Variants in GLB1 observed in about 807,000 individuals in gnomAD.
The protein encoded by GLB1 is beta-galactosidase.
GLB1 carries 56 observed loss-of-function variants against 74.0 expected under a neutral mutation model. That is an observed-to-expected ratio of 0.76 (90% CI 0.61 to 0.94). The LOEUF (loss-of-function observed/expected upper bound fraction) is 0.94, where lower values mean the gene tolerates loss of function less well. Among genes scored for constraint, GLB1 ranks in the 40% least tolerant of loss-of-function variants. GLB1 has a pLI of 0.00. For synonymous variants in GLB1, 323 were observed against 323.6 expected (o/e 1.00, Z 0.02); for missense variants, 787 against 845.5 (o/e 0.93, Z 0.86).
intron 1 of GLB1, among the ~76,000 whole-genome samples, chr3:33,076,707 T>C (rs1700120887): frequency 6.6e-6 from 1 of 152,154 alleles, no homozygotes; most frequent in South Asian, 2.1e-4. Context: ...ATTTAAAAAA[T>C]ATGACTACGT....
chr3:32,975,383 G>C, the GLB1 span, among the ~76,000 whole-genome samples: 1 of 152,068 alleles, frequency 6.6e-6, no homozygotes, highest in African/African-American at 2.4e-5. Context: ...TACTGCCCCT[G>C]GCTGGGTCTG....
chr3:33,024,455 A>G, intron 10 of GLB1, 130 bp from the exon 11 acceptor site: 1 of 984,268 alleles, frequency 1.0e-6, no homozygotes, highest in Non-Finnish European at 1.5e-6. Context: ...TGGAAAATCA[A>G]AGGAACTAGA....
At chr3:32,972,691 G>A in the GLB1 span, among the ~76,000 whole-genome samples, 3 of 152,096 alleles carry the variant, frequency 2.0e-5, no homozygotes, top group Non-Finnish European at 2.9e-5. Context: ...AAGAGGAGGT[G>A]GCAAATAATG....
rs1034274090 is a variant in GLB1, at chr3:33,094,148, A to G, written c.75+2863T>C. ...TCATGGACACGAAGACAGTGACAGC[A>G]GCCAGGGTGGCCTTCGCGCCTAGGG... On this transcript the variant is annotated intron_variant, in intron 1 of 15. Transcript: ENST00000307363. 6 of 1,612,974 alleles carry G rather than the reference A, an allele frequency of 3.7e-6. No homozygotes were observed. The Admixed American group carries it at 5.0e-5, about 13-fold the overall frequency.
chr3:33,068,836 C>A lies in GLB1; in HGVS notation c.380G>T (p.Cys127Phe), dbSNP rs1699791081. 1 of 1,613,990 alleles carries A rather than the reference C, an allele frequency of 6.2e-7. No individual in the cohort carries two copies. Among genetic ancestry groups the A allele is most frequent in the Admixed American group, 1.7e-5 (1 of 60,004 alleles). The change falls in exon 3 of 16, where the codon TGT becomes TTT. Residue 127 changes from cysteine to phenylalanine, a missense_variant. Coordinates refer to ENST00000307363, the MANE Select transcript of GLB1 (RefSeq NM_000404.4). ...CACACTCACCATTTCCCACTCTGCA[C>A]AGATGTAGGGCCCGGGCCTCAGGAT... ...LVILRPGPYI[C>F]AEWEMGGLPA... is the part of the protein sequence containing the mutation.
At chr3:33,011,422 T>C (rs1697016602) in intron 15 of GLB1, among the ~76,000 whole-genome samples, 1 of 149,966 alleles carries the variant, frequency 6.7e-6, no homozygotes, top group Non-Finnish European at 1.5e-5. Flanking sequence ...CTGGCCAACA[T>C]GATGAAACCC....
intron 1 of GLB1, among the ~76,000 whole-genome samples, chr3:33,081,970 TTTGA>T (rs1249665600): frequency 1.2e-4 from 18 of 152,314 alleles, no homozygotes; most frequent in African/African-American, 4.3e-4. Context: ...GTCAACAAAA[TTTGA>T]TGGAAGGTTG....
At chr3:33,053,400 A>G in intron 7 of GLB1, 91 bp downstream of exon 7, 1 of 1,593,066 alleles carries the variant, frequency 6.3e-7, no homozygotes, top group Non-Finnish European at 8.6e-7. Context: ...CTCCAGAGCC[A>G]AAAACATCAA....
intron 14 of GLB1, 39 bp downstream of exon 14, chr3:33,016,669 AC>A (rs1489388287): frequency 2.5e-6 from 4 of 1,611,668 alleles, no homozygotes; most frequent in African/African-American, 2.7e-5. Context: ...CTAAGTTGTC[AC>A]CCCTTAAACC....
chr3:33,079,778 A>G (rs1380018776), intron 1 of GLB1, among the ~76,000 whole-genome samples: 1 of 152,090 alleles, frequency 6.6e-6, no homozygotes, highest in African/African-American at 2.4e-5. Context: ...AAGGCAGAGG[A>G]GAGAGTTTTT....
chr3:33,083,397 C>A (rs1364408583), intron 1 of GLB1, among the ~76,000 whole-genome samples: 756 of 103,814 alleles, frequency 7.3e-3, no homozygotes, highest in Non-Finnish European at 7.8e-3. Flanking sequence ...AACTCTGTCT[C>A]AAAAAAAAAA....
chr3:33,090,124 G>C (rs1700685618), intron 1 of GLB1, among the ~76,000 whole-genome samples: 1 of 152,150 alleles, frequency 6.6e-6, no homozygotes, highest in South Asian at 2.1e-4. Context: ...CTCCTAACTA[G>C]CTATTAGATG....
chr3:33,072,168 G>A (rs1575475138), intron 2 of GLB1, among the ~76,000 whole-genome samples: 1 of 152,216 alleles, frequency 6.6e-6, no homozygotes, highest in African/African-American at 2.4e-5. Context: ...CAAAGATATG[G>A]CCTTGGGCAA....
chr3:33,026,162 T>G (rs1259443851), intron 10 of GLB1, among the ~76,000 whole-genome samples: 1 of 149,620 alleles, frequency 6.7e-6, no homozygotes, highest in South Asian at 2.1e-4. Context: ...CTCTGCACTC[T>G]TGGGGATCCA....
At chr3:32,962,589 TTAACAA>T in the GLB1 span, among the ~76,000 whole-genome samples, 2 of 152,092 alleles carry the variant, frequency 1.3e-5, no homozygotes, top group Non-Finnish European at 2.9e-5. Context: ...AAAACTATTA[TTAACAA>T]TAAGATAATT....
At chr3:32,993,497 A>C (rs556658876), downstream of GLB1, among the ~76,000 whole-genome samples, 1 of 146,646 alleles carries the variant, frequency 6.8e-6, no homozygotes, top group African/African-American at 2.5e-5. Context: ...CTAGGACTAC[A>C]GGCATGCACC....
the GLB1 span, among the ~76,000 whole-genome samples, chr3:32,984,051 T>C: frequency 6.6e-6 from 1 of 152,152 alleles, no homozygotes; most frequent in Admixed American, 6.6e-5. Flanking sequence ...TCCAAGATAA[T>C]TTTGAGTTTG....
At chr3:33,045,792 G>C (rs1316520828) in intron 10 of GLB1, 1 of 1,178,982 alleles carries the variant, frequency 8.5e-7, no homozygotes. Context: ...AATCTGGCCT[G>C]GAAGGAGAAG....
intron 6 of GLB1, among the ~76,000 whole-genome samples, chr3:33,056,480 C>G (rs900360632): frequency 6.6e-6 from 1 of 151,490 alleles, no homozygotes; most frequent in Non-Finnish European, 1.5e-5. Flanking sequence ...GTGGCACAAT[C>G]ACAGCTCACC....
Sources: gnomAD v4.1 joint callset for allele counts (sites outside exome capture counted in the v4.1 genomes callset) on GRCh38, gnomAD v4.1.1 for gene constraint, MANE v1.5 for transcripts, NCBI Gene and HGNC (gene_info 2026-07-23, HGNC 2026-07-21) for gene names.